CRPPA: variants seen among roughly 807,000 people sequenced by gnomAD.
CRPPA encodes D-ribitol-5-phosphate cytidylyltransferase.
Under a neutral mutation model 52.0 loss-of-function variants are expected in CRPPA, and 43 were observed. The ratio of observed to expected loss-of-function variants is 0.83; its 90% CI spans 0.65 to 1.07. The LOEUF is 1.07. Ranked by LOEUF, CRPPA falls within the 50% of genes least tolerant of loss-of-function variation. The probability of loss-of-function intolerance (pLI) is 0.00; values close to 1 mark genes in which losing one functional copy is unlikely to be tolerated. For missense variants in CRPPA, 629 were observed against 551.7 expected, an observed-to-expected ratio of 1.14 and a Z score of -1.40; for synonymous variants, 250 against 203.5, an observed-to-expected ratio of 1.23 and a Z score of -1.94.
Position 16,139,566 on chromosome 7 carries a change from T to C in CRPPA, c.1252-47767A>G, listed in dbSNP as rs187213947. On this transcript the variant is annotated intron_variant, in intron 9 of 9. Transcript: ENST00000407010. ...AAGTTACTGTGGTTTTTGTGATTAA[T>C]TTTAATGTTAAAAACTGTGATTACT... Among the ~76,000 whole-genome samples, 83 of 152,354 alleles carry C rather than the reference T, an allele frequency of 5.4e-4. 2 individuals are homozygous for C. The East Asian group carries it at 9.2e-3, about 17-fold the overall frequency.
chr7:16,356,534 G>C (rs952324951), intron 3 of CRPPA, among the ~76,000 whole-genome samples: 6 of 152,178 alleles, frequency 3.9e-5, no homozygotes, highest in Non-Finnish European at 7.3e-5. Context: ...CAGGCTATAA[G>C]GAGACAGGCA....
chr7:16,394,070 T>C (rs1787510602), intron 2 of CRPPA, among the ~76,000 whole-genome samples: 1 of 152,110 alleles, frequency 6.6e-6, no homozygotes, highest in Admixed American at 6.6e-5. Flanking sequence ...TTCTTTTACG[T>C]TACTGATGAG....
intron 9 of CRPPA, among the ~76,000 whole-genome samples, chr7:16,190,983 A>G (rs1465035864): frequency 6.6e-6 from 1 of 152,094 alleles, no homozygotes; most frequent in Non-Finnish European, 1.5e-5. Flanking sequence ...CATGGTATGT[A>G]TGTGTGTATA....
At chr7:16,170,244 C>T (rs1402487710) in intron 9 of CRPPA, among the ~76,000 whole-genome samples, 3 of 152,216 alleles carry the variant, frequency 2.0e-5, no homozygotes, top group Non-Finnish European at 2.9e-5. Context: ...TACAATTACA[C>T]ATAATTGATC....
chr7:16,102,273 G>C (rs770728327), intron 9 of CRPPA, among the ~76,000 whole-genome samples: 3 of 152,012 alleles, frequency 2.0e-5, no homozygotes, highest in Non-Finnish European at 4.4e-5. Flanking sequence ...ACTGAAACTG[G>C]ACCCCTTCCT....
intron 2 of CRPPA, among the ~76,000 whole-genome samples, chr7:16,400,604 G>T (rs1787788950): frequency 6.6e-6 from 1 of 152,188 alleles, no homozygotes; most frequent in Non-Finnish European, 1.5e-5. Context: ...ATTGGCATGT[G>T]ATCAACACAA....
At chr7:16,333,898 A>G (rs2128430833) in intron 3 of CRPPA, among the ~76,000 whole-genome samples, 1 of 152,336 alleles carries the variant, frequency 6.6e-6, no homozygotes, top group African/African-American at 2.4e-5. Context: ...GCCCCAAGCC[A>G]GAATTCCCTG....
chr7:16,105,546 G>C (rs1479590178), intron 9 of CRPPA, among the ~76,000 whole-genome samples: 1 of 151,990 alleles, frequency 6.6e-6, no homozygotes, highest in Non-Finnish European at 1.5e-5. Flanking sequence ...CTTGGGATCA[G>C]GTAGAAACAA....
At chr7:16,302,074 A>T (rs1248962145) in intron 4 of CRPPA, among the ~76,000 whole-genome samples, 2 of 152,184 alleles carry the variant, frequency 1.3e-5, no homozygotes, top group Non-Finnish European at 2.9e-5. Context: ...AGGCAGGCGG[A>T]TCACGAGGTC....
intron 2 of CRPPA, among the ~76,000 whole-genome samples, chr7:16,396,408 A>G (rs1417934101): frequency 6.6e-6 from 1 of 152,028 alleles, no homozygotes; most frequent in Non-Finnish European, 1.5e-5. Context: ...ACCAAAACCT[A>G]AAAAAAACAG....
chr7:16,377,479 C>T (rs1353172821), intron 2 of CRPPA, among the ~76,000 whole-genome samples: 1 of 152,174 alleles, frequency 6.6e-6, no homozygotes, highest in Non-Finnish European at 1.5e-5. Context: ...TTAAAAAATA[C>T]TTAAGAGAAC....
intron 2 of CRPPA, among the ~76,000 whole-genome samples, chr7:16,378,217 G>A (rs962238859): frequency 7.3e-5 from 11 of 151,124 alleles, no homozygotes; most frequent in Admixed American, 1.3e-4. Flanking sequence ...CCATTAACTT[G>A]TTATTTAGCA....
intron 9 of CRPPA, among the ~76,000 whole-genome samples, chr7:16,126,804 G>T (rs1782589617): frequency 6.6e-6 from 1 of 152,086 alleles, no homozygotes; most frequent in Non-Finnish European, 1.5e-5. Context: ...TTCCAAAAAT[G>T]ACTGATAACT....
intron 3 of CRPPA, among the ~76,000 whole-genome samples, chr7:16,370,784 C>T (rs1786727824): frequency 6.6e-6 from 1 of 152,108 alleles, no homozygotes. Context: ...CCCTCCCCCA[C>T]CTGCCACCCC....
chr7:16,108,568 A>C (rs1782200089), intron 9 of CRPPA, among the ~76,000 whole-genome samples: 1 of 151,888 alleles, frequency 6.6e-6, no homozygotes, highest in African/African-American at 2.4e-5. Context: ...AAAATTAACA[A>C]GGATATATTA....
chr7:16,248,612 G>A (rs1367983284), intron 8 of CRPPA, among the ~76,000 whole-genome samples: 1 of 152,192 alleles, frequency 6.6e-6, no homozygotes, highest in African/African-American at 2.4e-5. Flanking sequence ...TGGCTGAATA[G>A]GAACAGCTCC....
intron 8 of CRPPA, among the ~76,000 whole-genome samples, chr7:16,227,648 T>C (rs1004457723): frequency 6.6e-6 from 1 of 151,876 alleles, no homozygotes; most frequent in Non-Finnish European, 1.5e-5. Context: ...CGTTTGCATA[T>C]GAGATGTATG....
intron 6 of CRPPA, among the ~76,000 whole-genome samples, chr7:16,271,511 TTG>T (rs1784089093): frequency 6.6e-6 from 1 of 152,144 alleles, no homozygotes. Context: ...GGCTCTTTCC[TTG>T]TCTCTTGCTA....
intron 3 of CRPPA, among the ~76,000 whole-genome samples, chr7:16,374,256 G>A (rs561583014): frequency 5.3e-5 from 8 of 152,078 alleles, no homozygotes; most frequent in African/African-American, 1.7e-4. Context: ...AAGTCTTCTG[G>A]CTATCATCTT....
Sources: allele counts gnomAD v4.1 joint callset (sites outside exome capture counted in the v4.1 genomes callset), GRCh38; gene constraint gnomAD v4.1.1; transcripts MANE v1.5; gene names NCBI Gene and HGNC (gene_info 2026-07-23, HGNC 2026-07-21).